MECOM: variants seen among roughly 807,000 people sequenced by gnomAD.
MECOM encodes histone-lysine N-methyltransferase MECOM.
MECOM carries 13 observed loss-of-function variants against 116.3 expected under a neutral mutation model. The observed-to-expected ratio is 0.11, with a 90% CI of 0.07 to 0.18. The LOEUF (loss-of-function observed/expected upper bound fraction) is 0.18. MECOM is among the 10% of genes least tolerant of loss of function. The probability of loss-of-function intolerance (pLI) is 1.00; values close to 1 mark genes in which losing one functional copy is unlikely to be tolerated. For synonymous variants in MECOM, 528 were observed against 535.2 expected (o/e 0.99, Z 0.19); for missense variants, 1,299 against 1,509.0 (o/e 0.86, Z 2.31).
At chr3:169,481,348 T>A (rs1751254119) in intron 1 of MECOM, among the ~76,000 whole-genome samples, 1 of 152,134 alleles carries the variant, frequency 6.6e-6, no homozygotes, top group Non-Finnish European at 1.5e-5. Context: ...AGGTCAGGAA[T>A]TCAAGACCAG....
intron 12 of MECOM, among the ~76,000 whole-genome samples, chr3:169,097,994 G>A (rs182998727): frequency 5.9e-5 from 9 of 152,054 alleles, no homozygotes; most frequent in African/African-American, 2.2e-4. Context: ...ACAGGAAGCA[G>A]ACAATTCATG....
chr3:169,252,609 G>T (rs926085820), intron 2 of MECOM, among the ~76,000 whole-genome samples: 1 of 151,762 alleles, frequency 6.6e-6, no homozygotes, highest in Non-Finnish European at 1.5e-5. Context: ...CAAGTCTTAG[G>T]CTAATTGTTT....
intron 1 of MECOM, among the ~76,000 whole-genome samples, chr3:169,405,471 T>A (rs964395014): frequency 2.0e-5 from 3 of 152,212 alleles, no homozygotes; most frequent in Non-Finnish European, 4.4e-5. Context: ...CTCGACTTAC[T>A]GAGATGTTTT....
rs1415792980 is a variant in MECOM, at chr3:169,662,788, C to T, written c.37+548G>A. The stretch of plus-strand genomic sequence containing the variant: ...GTCCACCACAGCCGCCCGCCGCCGC[C>T]GCCACTGTGGCTCCCTCTGAGCCGC... On this transcript the variant is annotated intron_variant, in intron 1 of 16. Coordinates refer to ENST00000651503, the MANE Select transcript of MECOM (RefSeq NM_004991.4). Among the ~76,000 whole-genome samples the T allele has an allele frequency of 7.2e-5, 11 of 152,198 alleles. No homozygotes were observed. The South Asian group carries it at 1.7e-3, about 23-fold the overall frequency.
chr3:169,592,280 G>A (rs1459142216), intron 1 of MECOM, among the ~76,000 whole-genome samples: 1 of 152,220 alleles, frequency 6.6e-6, no homozygotes, highest in Non-Finnish European at 1.5e-5. Context: ...TCAGCACTGT[G>A]CTGTCCACAA....
chr3:169,659,439 G>GTTTTTTTTT (rs1775962837), intron 1 of MECOM, among the ~76,000 whole-genome samples: 2 of 54,072 alleles, frequency 3.7e-5, no homozygotes, highest in African/African-American at 1.7e-4. Context: ...CCTAAACACA[G>GTTTTTTTTT]ATTTTTTTTT....
intron 1 of MECOM, among the ~76,000 whole-genome samples, chr3:169,451,133 A>G (rs1454918509): frequency 3.9e-5 from 6 of 152,164 alleles, no homozygotes; most frequent in African/African-American, 1.4e-4. Flanking sequence ...ACAGGGATAA[A>G]ACAATTTAAG....
At chr3:169,487,972 T>TTTGGAATTTATAGGCATAAATAAA (rs1180696739) in intron 1 of MECOM, among the ~76,000 whole-genome samples, 8 of 152,124 alleles carry the variant, frequency 5.3e-5, no homozygotes, top group Non-Finnish European at 1.0e-4. Flanking sequence ...AGATACAGTG[T>TTTGGAATTTATAGGCATAAATAAA]TTGGAATTTA....
intron 2 of MECOM, among the ~76,000 whole-genome samples, chr3:169,304,114 T>G (rs1717257365): frequency 6.6e-6 from 1 of 152,242 alleles, no homozygotes; most frequent in African/African-American, 2.4e-5. Context: ...TCTTCTCACT[T>G]CCAATGAATC....
chr3:169,635,988 C>A (rs1231255078), intron 1 of MECOM, among the ~76,000 whole-genome samples: 2 of 152,134 alleles, frequency 1.3e-5, no homozygotes, highest in Non-Finnish European at 2.9e-5. Flanking sequence ...GATCACCAGG[C>A]AGAGCTCCAA....
chr3:169,262,052 C>A (rs376018787), intron 2 of MECOM, among the ~76,000 whole-genome samples: 1 of 152,164 alleles, frequency 6.6e-6, no homozygotes, highest in East Asian at 1.9e-4. Flanking sequence ...CCCTGTGCCA[C>A]GCCCCAATCT....
intron 1 of MECOM, among the ~76,000 whole-genome samples, chr3:169,542,313 T>C (rs949169159): frequency 6.7e-6 from 1 of 148,618 alleles, no homozygotes; most frequent in African/African-American, 2.4e-5. Context: ...TAATGTTTTG[T>C]TTTGTCTTCT....
chr3:169,564,291 T>G (rs1762979559), intron 1 of MECOM, among the ~76,000 whole-genome samples: 1 of 152,194 alleles, frequency 6.6e-6, no homozygotes, highest in African/African-American at 2.4e-5. Flanking sequence ...ATCTGAGAGT[T>G]AAACATTATA....
chr3:169,482,340 T>TTC (rs565109312), intron 1 of MECOM, among the ~76,000 whole-genome samples: 6,178 of 147,238 alleles, frequency 0.042, 225 homozygotes, highest in African/African-American at 0.089. Context: ...TTTTTTTTTT[T>TTC]TTTTTTTTTG....
At chr3:169,087,765 A>C (rs1430209657) in intron 16 of MECOM, among the ~76,000 whole-genome samples, 2 of 152,162 alleles carry the variant, frequency 1.3e-5, no homozygotes, top group Non-Finnish European at 2.9e-5. Context: ...TTTACCTTTA[A>C]TGTTAAAAAC....
At chr3:169,246,244 A>C (rs189812036) in intron 2 of MECOM, among the ~76,000 whole-genome samples, 66 of 152,336 alleles carry the variant, frequency 4.3e-4, no homozygotes, top group African/African-American at 1.5e-3. Context: ...TATTCTCTTA[A>C]AAAACACACT....
chr3:169,084,865 T>A lies in MECOM; in HGVS notation c.*44A>T, dbSNP rs1217410590. The stretch of plus-strand genomic sequence containing the variant: ...TAAATAGTCCTATATGAAAGAGCCA[T>A]GCTACTGTTGGACTTGGTCCCACTC... On this transcript the variant is annotated 3_prime_UTR_variant, in exon 17 of 17. Coordinates refer to ENST00000651503, the MANE Select transcript of MECOM (RefSeq NM_004991.4). 1 of 1,612,196 alleles carries A rather than the reference T, an allele frequency of 6.2e-7. No homozygotes were observed. The highest frequency in any genetic ancestry group is 2.2e-5 in the East Asian group (1 of 44,860).
chr3:169,459,156 T>C (rs1371203818), intron 1 of MECOM, among the ~76,000 whole-genome samples: 1 of 152,210 alleles, frequency 6.6e-6, no homozygotes, highest in Non-Finnish European at 1.5e-5. Context: ...GATCAAATAG[T>C]ACTCTTATTC....
chr3:169,324,443 C>A (rs911728703), intron 2 of MECOM, among the ~76,000 whole-genome samples: 2 of 152,242 alleles, frequency 1.3e-5, no homozygotes, highest in Non-Finnish European at 2.9e-5. Context: ...ACTTTCACAT[C>A]TGTCTTGTCA....
Sources: allele counts gnomAD v4.1 joint callset (sites outside exome capture counted in the v4.1 genomes callset), GRCh38; gene constraint gnomAD v4.1.1; transcripts MANE v1.5; gene names NCBI Gene and HGNC (gene_info 2026-07-23, HGNC 2026-07-21).